SPTBN4: variants seen among roughly 807,000 people sequenced by gnomAD.
SPTBN4 encodes spectrin beta chain, non-erythrocytic 4.
SPTBN4 carries 96 observed loss-of-function variants against 277.8 expected under a neutral mutation model. That is an observed-to-expected ratio of 0.35 (90% CI 0.29 to 0.41). SPTBN4 has a LOEUF of 0.41. Among genes scored for constraint, SPTBN4 ranks in the 10% least tolerant of loss-of-function variants. SPTBN4 has a pLI of 1.00. For synonymous variants in SPTBN4, 1,481 were observed against 1,580.3 expected (o/e 0.94, Z 1.49); for missense variants, 3,006 against 3,595.7 (o/e 0.84, Z 4.19).
chr19:40,498,490 C>T (rs2080227598), intron 7 of SPTBN4, among the ~76,000 whole-genome samples: 1 of 151,472 alleles, frequency 6.6e-6, no homozygotes, highest in Non-Finnish European at 1.5e-5. Flanking sequence ...ACTGCAAGCT[C>T]CACCTCCTGG....
At chr19:40,575,169 G>A (rs1002914475) in intron 35 of SPTBN4, among the ~76,000 whole-genome samples, 6 of 152,170 alleles carry the variant, frequency 3.9e-5, no homozygotes, top group African/African-American at 1.4e-4. Flanking sequence ...CATTGTTTGT[G>A]TCATTTATCT....
In SPTBN4 at chr19:40,490,265, C is replaced by G. The variant is rs896801339; in HGVS notation, c.495+17C>G. 1 of 1,607,378 alleles carries G rather than the reference C, an allele frequency of 6.2e-7. No homozygotes were observed. Among genetic ancestry groups the G allele is most frequent in the African/African-American group, 1.3e-5 (1 of 74,730 alleles). ...CGCTTCCAGGTGACCCTCGAGTGGC[C>G]CCTGCCAAGCCCCGCAACATGGGAC... On this transcript the variant is annotated intron_variant, in intron 4 of 35. Coordinates refer to ENST00000598249, the MANE Select transcript of SPTBN4 (RefSeq NM_020971.3). This position sits in a 1 kb window ranked among gnomAD's most constrained non-coding sequence, Gnocchi z 4.3.
At chr19:40,469,982 T>G (rs1349660339) in intron 1 of SPTBN4, among the ~76,000 whole-genome samples, 1 of 149,958 alleles carries the variant, frequency 6.7e-6, no homozygotes, top group Non-Finnish European at 1.5e-5. Context: ...GTTTTCTATT[T>G]TTTTATTTTC....
At chr19:40,470,853 G>A (rs1198741246) in intron 1 of SPTBN4, among the ~76,000 whole-genome samples, 1 of 150,050 alleles carries the variant, frequency 6.7e-6, no homozygotes, top group Non-Finnish European at 1.5e-5. Context: ...GGCTGGTCTC[G>A]AACTCCTCAC....
chr19:40,487,964 C>G (rs980325546), intron 3 of SPTBN4, 116 bp downstream of exon 3: 13 of 1,240,800 alleles, frequency 1.0e-5, no homozygotes, highest in African/African-American at 1.5e-5. Flanking sequence ...GCGAGTGGAA[C>G]GTGCTGGAAG....
In SPTBN4 at chr19:40,572,055, G is replaced by A. The variant is rs372469938; in HGVS notation, c.7356G>A (p.Gly2452=). 93 of 1,605,912 alleles carry A rather than the reference G, an allele frequency of 5.8e-5. No individual in the cohort carries two copies. The highest frequency in any genetic ancestry group is 7.2e-5 in the Non-Finnish European group (85 of 1,176,382). The change falls in exon 34 of 36, where the codon GGG becomes GGA. Residue 2452 remains glycine (G), a synonymous_variant. Coordinates refer to ENST00000598249, the MANE Select transcript of SPTBN4 (RefSeq NM_020971.3). ...WVSLYCVLSK[G]ELGFYKDSKG... ...GCCTGTACTGTGTGCTTAGTAAGGG[G>A]GAACTGGGCTTCTACAAGGACTCCA...
chr19:40,574,986 G>T (rs1429281640), intron 35 of SPTBN4, among the ~76,000 whole-genome samples: 3 of 145,874 alleles, frequency 2.1e-5, no homozygotes, highest in African/African-American at 7.7e-5. Context: ...TTGCACTCCA[G>T]CCTGGGGGAC....
Position 40,504,149 on chromosome 19 carries a change from G to GCA in SPTBN4, c.1665+17_1665+18insCA. ...GAGATGCAGGTGCCGGCGGGGGGGCGGGGATGCGGGTGGAGTGCCAGGAGG... is the reference window on the plus strand; with the variant it reads ...GAGATGCAGGTGCCGGCGGGGGGGCGCAGGGATGCGGGTGGAGTGCCAGGAGG... On this transcript the variant is annotated intron_variant, in intron 12 of 35. Coordinates refer to ENST00000598249, the MANE Select transcript of SPTBN4 (RefSeq NM_020971.3). 1 of 1,080,370 alleles carries GCA rather than the reference G, an allele frequency of 9.3e-7. No individual in the cohort carries two copies. Among genetic ancestry groups the GCA allele is most frequent in the South Asian group, 1.3e-5 (1 of 75,178 alleles). 66.9% of individuals were successfully genotyped at this position (1,080,370 alleles called of 1,614,324 possible). A position where few individuals can be genotyped will look rare whatever the true frequency, so the allele number is the denominator to read the frequency against.
chr19:40,550,180 C>T (rs967080951), intron 21 of SPTBN4, 58 bp from the exon 22 acceptor site: 88 of 1,459,766 alleles, frequency 6.0e-5, no homozygotes, highest in Admixed American at 1.4e-4. Flanking sequence ...AGTTTAGTTG[C>T]GATGCAGGGG....
rs1458529798 is a variant in SPTBN4, at chr19:40,549,227, G to A, written c.4398G>A (p.Val1466=). 3.9e-6 allele frequency: 6 copies of A among 1,548,530 alleles called. No individual in the cohort carries two copies. The African/African-American group carries it at 5.5e-5, about 14-fold the overall frequency. ...ESQVEEWYRE[V]GELQAQTAAL... ...AGGTGGAGGAGTGGTACCGCGAGGTGGGAGAGCTGCAGGCGCAGACGGCGG... is the reference window on the plus strand; with the variant it reads ...AGGTGGAGGAGTGGTACCGCGAGGTAGGAGAGCTGCAGGCGCAGACGGCGG... The change falls in exon 21 of 36, where the codon GTG becomes GTA. Residue 1466 remains valine, a synonymous_variant. Transcript: ENST00000598249.
In SPTBN4 at chr19:40,523,569, G is replaced by A. The variant is rs990230624; in HGVS notation, c.3787G>A (p.Glu1263Lys). 1 of 1,614,212 alleles carries A rather than the reference G, an allele frequency of 6.2e-7. No individual in the cohort carries two copies. Among genetic ancestry groups the A allele is most frequent in the Admixed American group, 1.7e-5 (1 of 60,022 alleles). The change falls in exon 17 of 36, where the codon GAG becomes AAG. Residue 1263 changes from glutamate to lysine, a missense_variant. This residue lies in a region of SPTBN4 where 1,759 missense variants were observed against 2,061.5 expected (regional missense o/e 0.85). Transcript: ENST00000598249. ...GATGCAGGTGGCCGTGCAGGCTGCA[G>A]AGGGCCTGCTGAGGCAGGGCAACAT... ...QKMQVAVQAA[E>K]GLLRQGNIYG...
At chr19:40,520,238 G>A (rs1237781297) in intron 16 of SPTBN4, 87 bp downstream of exon 16, 1 of 1,273,000 alleles carries the variant, frequency 7.9e-7, no homozygotes, top group Non-Finnish European at 1.0e-6. Context: ...GGGTGGGGAG[G>A]AGGGTGTTTC....
chr19:40,553,617 C>T (rs551507567), intron 22 of SPTBN4, among the ~76,000 whole-genome samples: 30 of 152,242 alleles, frequency 2.0e-4, no homozygotes, highest in Non-Finnish European at 3.5e-4. Context: ...TTAAGGCACA[C>T]AAAACGTTAA....
At chr19:40,480,649 C>T (rs573831595) in intron 2 of SPTBN4, among the ~76,000 whole-genome samples, 6 of 152,140 alleles carry the variant, frequency 3.9e-5, no homozygotes, top group African/African-American at 7.2e-5. Flanking sequence ...TCTCCCTGTG[C>T]TTGTGGGGTG....
Position 40,506,323 on chromosome 19 carries a change from G to A in SPTBN4, c.1753G>A (p.Ala585Thr). The A allele has an allele frequency of 1.2e-6, 2 of 1,614,172 alleles. No individual in the cohort carries two copies. The highest frequency in any genetic ancestry group is 1.3e-5 in the African/African-American group (1 of 75,064). ...QKHGLLEGDI[A>T]AQSERVEALN... ...GCATGGACTGCTGGAGGGAGACATT[G>A]CCGCCCAGAGCGAGCGGGTGGAGGC... The change falls in exon 13 of 36, where the codon GCC becomes ACC. Residue 585 changes from alanine (A) to threonine (T), a missense_variant. By Grantham distance (58) the Ala-to-Thr change is moderately conservative. Transcript: ENST00000598249.
chr19:40,493,241 A>G (rs1298584257), intron 5 of SPTBN4, among the ~76,000 whole-genome samples, 187 bp downstream of exon 5: 2 of 152,098 alleles, frequency 1.3e-5, no homozygotes, highest in Non-Finnish European at 2.9e-5. Flanking sequence ...CCTTCCTAAC[A>G]TGCTAGAAGG....
At position 40,515,214 on chromosome 19, in the gene SPTBN4, G is replaced by A. The variant is rs1469331722; in HGVS notation, c.2766-97G>A. 5 of 1,374,822 alleles carry A rather than the reference G, an allele frequency of 3.6e-6. No individual in the cohort carries two copies. Among genetic ancestry groups the A allele is most frequent in the Non-Finnish European group, 3.9e-6 (4 of 1,037,926 alleles). 85.2% of individuals were successfully genotyped at this position (1,374,822 alleles called of 1,614,324 possible). On this transcript the variant is annotated intron_variant, in intron 14 of 35. Transcript: ENST00000598249. This position sits in a 1 kb window ranked among gnomAD's most constrained non-coding sequence, Gnocchi z 4.1. ...AGCCCACAAAGGAGGCTGAAAAGAA[G>A]GGTGGATTGAGAATTAGGAGTAGAA...
At chr19:40,539,146 A>T (rs2080771141) in intron 20 of SPTBN4, among the ~76,000 whole-genome samples, 1 of 152,084 alleles carries the variant, frequency 6.6e-6, no homozygotes, top group Non-Finnish European at 1.5e-5. Flanking sequence ...TATTGCTAGG[A>T]TTCATAATTA....
At chr19:40,531,310 T>C (rs1382827214) in intron 18 of SPTBN4, among the ~76,000 whole-genome samples, 1 of 151,620 alleles carries the variant, frequency 6.6e-6, no homozygotes, top group African/African-American at 2.4e-5. Context: ...TTGGTTCTAG[T>C]GTGTGTATGA....
Sources: allele counts gnomAD v4.1 joint callset (sites outside exome capture counted in the v4.1 genomes callset), GRCh38; gene constraint gnomAD v4.1.1; regional missense constraint gnomAD v4.1.1; non-coding constraint Gnocchi (gnomAD v3.1); transcripts MANE v1.5; gene names NCBI Gene and HGNC (gene_info 2026-07-23, HGNC 2026-07-21).